Variants in GFRA1 observed in about 807,000 individuals in gnomAD.
GFRA1 encodes GDNF family receptor alpha-1.
A neutral mutation model predicts 51.6 loss-of-function variants in GFRA1; 16 were observed. That is an observed-to-expected ratio of 0.31 (90% CI 0.21 to 0.47). GFRA1 has a LOEUF of 0.47. Among genes scored for constraint, GFRA1 ranks in the 20% least tolerant of loss-of-function variants. The probability of loss-of-function intolerance (pLI) is 1.00; values close to 1 mark genes in which losing one functional copy is unlikely to be tolerated. For missense variants in GFRA1, 530 were observed against 594.3 expected, an observed-to-expected ratio of 0.89 and a Z score of 1.13; for synonymous variants, 270 against 241.3, an observed-to-expected ratio of 1.12 and a Z score of -1.10.
At position 116,186,999 on chromosome 10, in the gene GFRA1, T is replaced by C. The variant is rs1452580917; in HGVS notation, c.433+24632A>G. 3.3e-5 allele frequency among the ~76,000 whole-genome samples: 5 copies of C among 152,158 alleles called. 1 individual carries two copies. In the East Asian group the frequency reaches 7.7e-4, roughly 23 times the overall value. On this transcript the variant is annotated intron_variant, in intron 5 of 10. Transcript: ENST00000355422. The stretch of plus-strand genomic sequence containing the variant: ...CGGTCCCTTTTTCAAGAACCACTAA[T>C]GTTCCTGGGAATTTTAATGTTAAAA...
At chr10:116,100,001 C>A (rs1016070239) in intron 6 of GFRA1, among the ~76,000 whole-genome samples, 3 of 152,264 alleles carry the variant, frequency 2.0e-5, no homozygotes, top group Admixed American at 2.0e-4. Context: ...GAGTCAGTAG[C>A]AGAACGAGGA....
intron 5 of GFRA1, among the ~76,000 whole-genome samples, chr10:116,182,999 A>G (rs1473957955): frequency 6.6e-6 from 1 of 152,316 alleles, no homozygotes; most frequent in East Asian, 1.9e-4. Context: ...AAGGCTACCC[A>G]AGGGCCTTCC....
intron 9 of GFRA1, among the ~76,000 whole-genome samples, chr10:116,075,702 C>A (rs1385967529): frequency 6.6e-6 from 1 of 152,116 alleles, no homozygotes; most frequent in Non-Finnish European, 1.5e-5. Flanking sequence ...TGCATGATCA[C>A]TTGTCAGGCA....
At chr10:116,201,303 T>C in intron 5 of GFRA1, among the ~76,000 whole-genome samples, 1 of 152,092 alleles carries the variant, frequency 6.6e-6, no homozygotes, top group Admixed American at 6.5e-5. Context: ...ATTCACTTGG[T>C]AGACAAAAAT....
chr10:116,197,687 C>G (rs1455485036), intron 5 of GFRA1, among the ~76,000 whole-genome samples: 1 of 152,134 alleles, frequency 6.6e-6, no homozygotes, highest in Non-Finnish European at 1.5e-5. Flanking sequence ...GTGGGGGATA[C>G]AACTAAACCC....
At chr10:116,145,148 C>CAAAAAAAA (rs58509181) in intron 5 of GFRA1, among the ~76,000 whole-genome samples, 4 of 28,736 alleles carry the variant, frequency 1.4e-4, no homozygotes, top group African/African-American at 4.4e-4. Context: ...GACTCTGTCT[C>CAAAAAAAA]AAAAAAAAAA....
At chr10:116,274,592 T>C (rs1844150529), upstream of GFRA1, among the ~76,000 whole-genome samples, 1 of 152,066 alleles carries the variant, frequency 6.6e-6, no homozygotes, top group South Asian at 2.1e-4. Flanking sequence ...GGGCTGCATA[T>C]TGTGTGGAGT....
intron 5 of GFRA1, among the ~76,000 whole-genome samples, chr10:116,161,051 G>A (rs556989208): frequency 2.6e-5 from 4 of 152,336 alleles, no homozygotes; most frequent in South Asian, 2.1e-4. Flanking sequence ...ACCTGGAGGA[G>A]GAGCCTGGGA....
Position 116,096,529 on chromosome 10 carries a change from T to TA in GFRA1, c.880+125_880+126insT. ...CAGGCATGTCCTCAAGGATTTAACA[T>TA]CCAAACCCCAGCCCAGAGGTTACTG... On this transcript the variant is annotated intron_variant, in intron 7 of 10. Coordinates refer to ENST00000355422, the MANE Select transcript of GFRA1 (RefSeq NM_005264.8). 9 of 693,988 alleles carry TA rather than the reference T, an allele frequency of 1.3e-5. No homozygotes were observed. In the South Asian group the frequency reaches 1.4e-4, roughly 11 times the overall value. The allele number at this position is 693,988 out of a possible 1,614,324, so 43.0% of individuals were successfully genotyped here.
At position 116,062,905 on chromosome 10, in the gene GFRA1, C is replaced by T. The variant is rs968379647; in HGVS notation, c.*1493G>A. On this transcript the variant is annotated 3_prime_UTR_variant, in exon 11 of 11. Coordinates refer to ENST00000355422, the MANE Select transcript of GFRA1 (RefSeq NM_005264.8). ...TGCTGATCTGTGCCAAGCAACTCAT[C>T]TCACCAAACCTAATGTCAACCCTCT... The T allele has an allele frequency of 1.3e-5, 2 of 152,224 alleles. No homozygotes were observed. The highest frequency in any genetic ancestry group is 4.8e-5 in the African/African-American group (2 of 41,448). The allele number at this position is 152,224 out of a possible 1,614,324, so 9.4% of individuals were successfully genotyped here.
intron 5 of GFRA1, among the ~76,000 whole-genome samples, chr10:116,185,820 A>G (rs1962656029): frequency 6.6e-6 from 1 of 152,142 alleles, no homozygotes; most frequent in African/African-American, 2.4e-5. Context: ...AGGGCAATAA[A>G]GCCTAAGTGC....
chr10:116,118,675 C>A (rs183156014), intron 6 of GFRA1, among the ~76,000 whole-genome samples: 1 of 152,158 alleles, frequency 6.6e-6, no homozygotes, highest in Non-Finnish European at 1.5e-5. Context: ...CATTCACACT[C>A]GAAGACGATA....
chr10:116,083,897 C>G (rs1021766158), intron 9 of GFRA1, among the ~76,000 whole-genome samples: 8 of 152,194 alleles, frequency 5.3e-5, no homozygotes, highest in African/African-American at 1.9e-4. Flanking sequence ...TGCCCTCCAT[C>G]CCTCCTGCCA....
In GFRA1 at chr10:116,230,715, G is replaced by GACACACAC. The variant is rs5788144; in HGVS notation, c.419-19078_419-19071dup. Among the ~76,000 whole-genome samples the GACACACAC allele has an allele frequency of 5.2e-4, 79 of 150,566 alleles. No individual in the cohort carries two copies. In the Middle Eastern group the frequency reaches 0.01, roughly 19 times the overall value. ...TAAAGAAACTAGGCACATGTGGACA[G>GACACACAC]ACACACACACACACACACACACACA... On this transcript the variant is annotated intron_variant, in intron 4 of 10. Transcript: ENST00000355422.
chr10:116,255,907 T>C (rs1317224539), intron 4 of GFRA1: 1 of 195,228 alleles, frequency 5.1e-6, no homozygotes, highest in Non-Finnish European at 9.3e-6. Flanking sequence ...ATGGCTATTG[T>C]TTTTCTTTTC....
intron 6 of GFRA1, among the ~76,000 whole-genome samples, chr10:116,098,873 C>T (rs1174151239): frequency 2.6e-5 from 4 of 152,146 alleles, no homozygotes; most frequent in Non-Finnish European, 5.9e-5. Flanking sequence ...AGCATAGCCC[C>T]GATTGGGAGG....
chr10:116,138,810 T>C (rs1958443252), intron 5 of GFRA1, among the ~76,000 whole-genome samples: 1 of 152,188 alleles, frequency 6.6e-6, no homozygotes, highest in African/African-American at 2.4e-5. Flanking sequence ...GTTCATTTTG[T>C]TTTGAGCTTT....
intron 5 of GFRA1, among the ~76,000 whole-genome samples, chr10:116,210,435 C>T (rs1965104056): frequency 6.6e-6 from 1 of 152,190 alleles, no homozygotes; most frequent in Non-Finnish European, 1.5e-5. Context: ...AAACTCACTG[C>T]AGCAACAGGC....
At chr10:116,258,181 CT>C (rs1467080834) in intron 4 of GFRA1, among the ~76,000 whole-genome samples, 2 of 152,006 alleles carry the variant, frequency 1.3e-5, no homozygotes, top group Non-Finnish European at 2.9e-5. Context: ...CTATTTACCT[CT>C]GAATCATCTG....
Sources: allele counts gnomAD v4.1 joint callset (sites outside exome capture counted in the v4.1 genomes callset), GRCh38; gene constraint gnomAD v4.1.1; transcripts MANE v1.5; gene names NCBI Gene and HGNC (gene_info 2026-07-23, HGNC 2026-07-21).